ADD3: variants seen among roughly 807,000 people sequenced by gnomAD.
The protein encoded by ADD3 is gamma-adducin.
In ADD3, 25 loss-of-function variants were observed where a neutral mutation model predicts 80.2. The observed-to-expected ratio is 0.31, with a 90% CI of 0.23 to 0.44. The LOEUF is 0.44. Among genes scored for constraint, ADD3 ranks in the 20% least tolerant of loss-of-function variants. The pLI is 1.00. For synonymous variants in ADD3, 284 were observed against 289.6 expected (o/e 0.98, Z 0.20); for missense variants, 829 against 847.5 (o/e 0.98, Z 0.27).
chr10:110,013,857 TCAAA>T (rs1360270156), intron 1 of ADD3, among the ~76,000 whole-genome samples: 2 of 152,192 alleles, frequency 1.3e-5, no homozygotes, highest in African/African-American at 4.8e-5. Context: ...GAGGTGGAAC[TCAAA>T]CAATGTAAAA....
chr10:110,104,032 G>C (rs1849138935), intron 2 of ADD3, among the ~76,000 whole-genome samples: 1 of 152,152 alleles, frequency 6.6e-6, no homozygotes, highest in Admixed American at 6.5e-5. Context: ...ATGTAGTCCA[G>C]CTGCAGATGA....
chr10:110,009,679 G>A lies in ADD3; in HGVS notation c.-30+1380G>A, dbSNP rs141770438. 2.0e-5 allele frequency among the ~76,000 whole-genome samples: 3 copies of A among 152,266 alleles called. No individual in the cohort carries two copies. The East Asian group carries it at 5.8e-4, about 29-fold the overall frequency. On this transcript the variant is annotated intron_variant, in intron 1 of 14. Transcript: ENST00000356080. ...GGAGCAGATTAACTTTATGGAAGGA[G>A]GACCAGGATAAAATAAAGGCAGCTA... is the stretch of plus-strand genomic sequence containing the variant.
intron 1 of ADD3, among the ~76,000 whole-genome samples, chr10:110,008,636 T>A (rs1381153750): frequency 6.6e-6 from 1 of 152,074 alleles, no homozygotes; most frequent in Non-Finnish European, 1.5e-5. Context: ...AGTACCAAAA[T>A]CAGTTACTGG....
upstream of ADD3, among the ~76,000 whole-genome samples, chr10:110,004,946 C>T (rs1184838278): frequency 6.6e-6 from 1 of 152,132 alleles, no homozygotes; most frequent in Non-Finnish European, 1.5e-5. Context: ...AGTCAATCCA[C>T]TTGTGTTTCT....
In ADD3 at chr10:110,122,426, T is replaced by A. The variant is rs558342189; in HGVS notation, c.1143+134T>A. The A allele has an allele frequency of 1.4e-5, 10 of 720,982 alleles. No homozygotes were observed. In the East Asian group the frequency reaches 2.7e-4, roughly 19 times the overall value. The allele number at this position is 720,982 out of a possible 1,614,324, so 44.7% of individuals were successfully genotyped here. A position where few individuals can be genotyped will look rare whatever the true frequency, so the allele number is the denominator to read the frequency against. Reference sequence around the variant, plus strand: ...GCCCTAGGAAAGCATTTCATTGTTATTTAACCACACCTTTGAGAATTAAAC... The same window carrying A: ...GCCCTAGGAAAGCATTTCATTGTTAATTAACCACACCTTTGAGAATTAAAC... On this transcript the variant is annotated intron_variant, in intron 9 of 14. Transcript: ENST00000356080.
At chr10:110,132,441 T>G in intron 14 of ADD3, 41 bp downstream of exon 14, 2 of 1,342,068 alleles carry the variant, frequency 1.5e-6, no homozygotes, top group Non-Finnish European at 2.1e-6. Flanking sequence ...ACTGAGTTAG[T>G]CTTGAGTCTG....
Position 110,054,598 on chromosome 10 carries a change from A to G in ADD3, c.-29-46027A>G, listed in dbSNP as rs1857929957. On this transcript the variant is annotated intron_variant, in intron 1 of 14. Transcript: ENST00000356080. Reference sequence around the variant, plus strand: ...CTGGGATTTACAGGCACGCACCACCATGCCTGGCAAAATTTCTTTTTTTTT... The same window carrying G: ...CTGGGATTTACAGGCACGCACCACCGTGCCTGGCAAAATTTCTTTTTTTTT... 1.3e-5 allele frequency among the ~76,000 whole-genome samples: 2 copies of G among 149,192 alleles called. 1 individual carries two copies. Among genetic ancestry groups the G allele is most frequent in the South Asian group, 4.2e-4 (2 of 4,732 alleles).
chr10:110,088,608 G>A (rs141131654), intron 1 of ADD3, among the ~76,000 whole-genome samples: 56 of 152,264 alleles, frequency 3.7e-4, no homozygotes, highest in African/African-American at 1.3e-3. Flanking sequence ...TGCAGTTGCA[G>A]TGTGTTGAGT....
At chr10:110,046,984 C>G (rs573777163) in intron 1 of ADD3, among the ~76,000 whole-genome samples, 10 of 151,894 alleles carry the variant, frequency 6.6e-5, no homozygotes, top group Non-Finnish European at 1.3e-4. Context: ...ACTATAAGCC[C>G]AAAGGGTCAC....
At chr10:110,027,617 T>A (rs1854464629) in intron 1 of ADD3, among the ~76,000 whole-genome samples, 1 of 152,216 alleles carries the variant, frequency 6.6e-6, no homozygotes, top group African/African-American at 2.4e-5. Flanking sequence ...AGTAGTCACA[T>A]GTGACTAGTG....
chr10:109,997,479 CAG>C, intron 1 of ADD3: 1 of 152,288 alleles, frequency 6.6e-6, no homozygotes, highest in South Asian at 2.1e-4. Flanking sequence ...GAGATATAGT[CAG>C]AGAAGGCTGT....
At chr10:110,067,592 A>T (rs570651087) in intron 1 of ADD3, among the ~76,000 whole-genome samples, 1 of 152,326 alleles carries the variant, frequency 6.6e-6, no homozygotes, top group Admixed American at 6.5e-5. Flanking sequence ...ATTGAGAATT[A>T]TTTCTATAAG....
At chr10:110,095,275 G>C (rs1026622077) in intron 1 of ADD3, among the ~76,000 whole-genome samples, 1 of 152,168 alleles carries the variant, frequency 6.6e-6, no homozygotes, top group African/African-American at 2.4e-5. Flanking sequence ...ATACAATTCA[G>C]TGGTTTTTAA....
In ADD3 at chr10:110,049,746, G is replaced by A. The variant is rs377279245; in HGVS notation, c.-30+41447G>A. Among the ~76,000 whole-genome samples, 86 of 152,232 alleles carry A rather than the reference G, an allele frequency of 5.6e-4. No individual in the cohort carries two copies. The East Asian group carries it at 0.013, about 24-fold the overall frequency. ...ACTAAAAATACAAAAAATTAGCTGG[G>A]CGTTGTGGCAGGCGCCTGTAGTCCC... is the stretch of plus-strand genomic sequence containing the variant. On this transcript the variant is annotated intron_variant, in intron 1 of 14. Coordinates refer to ENST00000356080, the MANE Select transcript of ADD3 (RefSeq NM_016824.5).
chr10:110,130,575 G>T, intron 13 of ADD3, 89 bp downstream of exon 13: 1 of 1,434,178 alleles, frequency 7.0e-7, no homozygotes, highest in Admixed American at 1.9e-5. Context: ...AGTCAGTGTG[G>T]CCGGGCACAA....
intron 1 of ADD3, among the ~76,000 whole-genome samples, chr10:110,085,078 C>T (rs1192636462): frequency 1.3e-5 from 2 of 152,058 alleles, no homozygotes; most frequent in Non-Finnish European, 2.9e-5. Flanking sequence ...TAATTCCCCC[C>T]CATTTTTTGA....
upstream of ADD3, among the ~76,000 whole-genome samples, chr10:110,006,393 A>C (rs926383078): frequency 1.3e-5 from 2 of 152,066 alleles, no homozygotes; most frequent in African/African-American, 4.8e-5. Flanking sequence ...AAAGCTTTTC[A>C]TTTTTTTGCT....
chr10:110,092,403 AATC>A (rs1229894193), intron 1 of ADD3, among the ~76,000 whole-genome samples: 1 of 152,208 alleles, frequency 6.6e-6, no homozygotes, highest in Non-Finnish European at 1.5e-5. Context: ...AAAAACATGA[AATC>A]ATGTCCTTTG....
chr10:110,076,342 TTAAAA>T (rs747233917), intron 1 of ADD3, among the ~76,000 whole-genome samples: 1 of 152,176 alleles, frequency 6.6e-6, no homozygotes, highest in Non-Finnish European at 1.5e-5. Context: ...GGAAAACTTT[TTAAAA>T]TAAAATTCCT....
Sources: allele counts gnomAD v4.1 joint callset (sites outside exome capture counted in the v4.1 genomes callset), GRCh38; gene constraint gnomAD v4.1.1; transcripts MANE v1.5; gene names NCBI Gene and HGNC (gene_info 2026-07-23, HGNC 2026-07-21).